The following MACF1 variants were observed in gnomAD, a reference collection of about 807,000 sequenced individuals.
MACF1 encodes microtubule actin crosslinking factor 1.
Under a neutral mutation model 854.8 loss-of-function variants are expected in MACF1, and 193 were observed. The observed-to-expected ratio is 0.23, with a 90% CI of 0.20 to 0.25. The LOEUF (loss-of-function observed/expected upper bound fraction) is 0.25. MACF1 is among the 10% of genes least tolerant of loss of function. The pLI is 1.00. For missense variants in MACF1, 7,722 were observed against 8,929.1 expected, an observed-to-expected ratio of 0.86 and a Z score of 5.45; for synonymous variants, 3,185 against 3,226.7, an observed-to-expected ratio of 0.99 and a Z score of 0.44.
At chr1:39,439,604 CTTAAAGG>C in intron 72 of MACF1, 104 bp downstream of exon 72, 1 of 894,168 alleles carries the variant, frequency 1.1e-6, no homozygotes, top group Non-Finnish European at 1.7e-6. Flanking sequence ...GGCTGAGTAC[CTTAAAGG>C]TTTTTGTTTT....
At chr1:39,237,258 C>T (rs146185869) in intron 2 of MACF1, among the ~76,000 whole-genome samples, 18 of 152,334 alleles carry the variant, frequency 1.2e-4, no homozygotes, top group African/African-American at 4.1e-4. Flanking sequence ...GTATCACCTT[C>T]CTGAGATTCT....
At chr1:39,281,349 A>C (rs1385103858) in intron 6 of MACF1, among the ~76,000 whole-genome samples, 1 of 152,162 alleles carries the variant, frequency 6.6e-6, no homozygotes, top group African/African-American at 2.4e-5. Flanking sequence ...TGCCTTGTAC[A>C]TATATATGAC....
At chr1:39,303,778 C>T (rs1646103491) in intron 23 of MACF1, among the ~76,000 whole-genome samples, 2 of 150,292 alleles carry the variant, frequency 1.3e-5, no homozygotes, top group African/African-American at 4.9e-5. Context: ...GCAGGAGAAT[C>T]AGAGAATCGC....
At chr1:39,234,772 T>G (rs1356497937) in intron 2 of MACF1, among the ~76,000 whole-genome samples, 7 of 85,002 alleles carry the variant, frequency 8.2e-5, no homozygotes, top group Non-Finnish European at 9.9e-5. Flanking sequence ...AGGCAGAGGG[T>G]CTCCTCACTT....
chr1:39,452,083 T>G (rs1644353743), intron 85 of MACF1, 73 bp from the exon 86 acceptor site: 1 of 1,285,934 alleles, frequency 7.8e-7, no homozygotes, highest in South Asian at 1.5e-5. Context: ...ACCAAGAAAA[T>G]TATTATTTCC....
intron 2 of MACF1, among the ~76,000 whole-genome samples, chr1:39,191,006 CAAA>C (rs901563193): frequency 1.3e-5 from 2 of 151,686 alleles, no homozygotes; most frequent in East Asian, 1.9e-4. Flanking sequence ...AACAAACAAA[CAAA>C]AAAACCCCAA....
intron 5 of MACF1, among the ~76,000 whole-genome samples, chr1:39,254,895 A>C (rs763181511): frequency 7.9e-5 from 12 of 152,176 alleles, no homozygotes; most frequent in Non-Finnish European, 1.8e-4. Flanking sequence ...AGGGAGAAAG[A>C]AGCTTTTCCT....
intron 58 of MACF1, chr1:39,411,237 T>G: frequency 6.2e-7 from 1 of 1,613,802 alleles, no homozygotes; most frequent in African/African-American, 1.3e-5. Flanking sequence ...TTGAGGAGGA[T>G]GAGCGATGGA....
At chr1:39,157,091 T>C (rs1437478277) in intron 2 of MACF1, among the ~76,000 whole-genome samples, 2 of 151,556 alleles carry the variant, frequency 1.3e-5, no homozygotes, top group Admixed American at 1.3e-4. Flanking sequence ...CACCTTAGCC[T>C]CCCCAGTAGC....
At chr1:39,103,260 A>T (rs756832357) in intron 2 of MACF1, 1 of 332,408 alleles carries the variant, frequency 3.0e-6, no homozygotes, top group Non-Finnish European at 5.9e-6. Flanking sequence ...GGCAAGCATC[A>T]GTCACACATC....
At chr1:39,406,366 GTC>G (rs1642698770) in intron 58 of MACF1, among the ~76,000 whole-genome samples, 1 of 152,170 alleles carries the variant, frequency 6.6e-6, no homozygotes, top group African/African-American at 2.4e-5. Context: ...TTTAAGAAAA[GTC>G]TGGATTGGTT....
At chr1:39,389,268 T>A (rs1641929645) in intron 58 of MACF1, among the ~76,000 whole-genome samples, 1 of 152,098 alleles carries the variant, frequency 6.6e-6, no homozygotes, top group Non-Finnish European at 1.5e-5. Context: ...CTCTAAGAAT[T>A]TCCTTTTAGG....
intron 26 of MACF1, among the ~76,000 whole-genome samples, chr1:39,312,201 G>A (rs1048986674): frequency 1.3e-5 from 2 of 152,112 alleles, no homozygotes; most frequent in Non-Finnish European, 2.9e-5. Context: ...TCCAGCCTGA[G>A]TGAAAGAGAC....
chr1:39,211,565 G>A (rs1644516785), intron 1 of MACF1, among the ~76,000 whole-genome samples: 1 of 151,986 alleles, frequency 6.6e-6, no homozygotes, highest in African/African-American at 2.4e-5. Context: ...CCGGCACCCG[G>A]CCTGTCTTTA....
intron 2 of MACF1, among the ~76,000 whole-genome samples, chr1:39,092,685 C>T (rs1043736096): frequency 6.6e-6 from 1 of 152,196 alleles, no homozygotes; most frequent in African/African-American, 2.4e-5. Context: ...ACCCCCATCA[C>T]CCAGAAACAA....
In MACF1 at chr1:39,084,454, C is replaced by T; in HGVS notation, c.220+16C>T. On this transcript the variant is annotated intron_variant, in intron 2 of 93. Transcript: ENST00000361689. This position sits in a 1 kb window ranked among gnomAD's most constrained non-coding sequence, Gnocchi z 5.2. Reference sequence around the variant, plus strand: ...AGAGTCGCTGGTAAGAGAGGTCCCCCAGCAGGCTGGACGCTGTGGGTGTGA... The same window carrying T: ...AGAGTCGCTGGTAAGAGAGGTCCCCTAGCAGGCTGGACGCTGTGGGTGTGA... The T allele has an allele frequency of 1.3e-6, 2 of 1,599,664 alleles. No individual in the cohort carries two copies. Among genetic ancestry groups the T allele is most frequent in the South Asian group, 1.1e-5 (1 of 90,366 alleles).
At chr1:39,171,102 T>C (rs1017974700) in intron 2 of MACF1, among the ~76,000 whole-genome samples, 1 of 152,156 alleles carries the variant, frequency 6.6e-6, no homozygotes, top group African/African-American at 2.4e-5. Flanking sequence ...TTATTTGTGG[T>C]CCAACAGCAA....
intron 74 of MACF1, among the ~76,000 whole-genome samples, 158 bp downstream of exon 74, chr1:39,441,483 G>A (rs1259184184): frequency 6.6e-6 from 1 of 152,192 alleles, no homozygotes; most frequent in East Asian, 1.9e-4. Flanking sequence ...CCCACTTGTA[G>A]TGAAAAAAGT....
chr1:39,390,462 G>A (rs989940696), intron 58 of MACF1, among the ~76,000 whole-genome samples: 1 of 152,204 alleles, frequency 6.6e-6, no homozygotes, highest in African/African-American at 2.4e-5. Context: ...ATTGGCTGAA[G>A]GCCTTCTTAC....
Sources: allele counts gnomAD v4.1 joint callset (sites outside exome capture counted in the v4.1 genomes callset), GRCh38; gene constraint gnomAD v4.1.1; non-coding constraint Gnocchi (gnomAD v3.1); transcripts MANE v1.5; gene names NCBI Gene and HGNC (gene_info 2026-07-23, HGNC 2026-07-21).